Variants in RYR3 observed in about 807,000 individuals in gnomAD.
RYR3 encodes the protein brain ryanodine receptor-calcium release channel.
In RYR3, 207 loss-of-function variants were observed where a neutral mutation model predicts 584.3. That is an observed-to-expected ratio of 0.35 (90% CI 0.32 to 0.40). RYR3 has a LOEUF of 0.40. Ranked by LOEUF, RYR3 falls within the 10% of genes least tolerant of loss-of-function variation. RYR3 has a pLI of 1.00. For synonymous variants in RYR3, 2,416 were observed against 2,248.5 expected, an observed-to-expected ratio of 1.07 and a Z score of -2.11; for missense variants, 5,616 against 6,089.2, an observed-to-expected ratio of 0.92 and a Z score of 2.59.
chr15:33,533,489 C>A (rs931583890), intron 5 of RYR3, 100 bp downstream of exon 5: 2 of 739,960 alleles, frequency 2.7e-6, no homozygotes, highest in Non-Finnish European at 2.3e-6. Flanking sequence ...GGATTCCAAA[C>A]CAACCTGGTT....
intron 20 of RYR3, among the ~76,000 whole-genome samples, chr15:33,626,858 A>G (rs1011407863): frequency 6.6e-6 from 1 of 152,132 alleles, no homozygotes; most frequent in African/African-American, 2.4e-5. Context: ...ACCTCTACCT[A>G]GATTTCAGAG....
At chr15:33,780,431 T>A (rs978915735) in intron 65 of RYR3, 90 bp downstream of exon 65, 1 of 1,391,888 alleles carries the variant, frequency 7.2e-7, no homozygotes, top group Non-Finnish European at 9.8e-7. Context: ...CCTGCAGCAC[T>A]GTGGCTTTCT....
chr15:33,824,260 A>AT (rs1309887903), intron 81 of RYR3, among the ~76,000 whole-genome samples: 1 of 152,206 alleles, frequency 6.6e-6, no homozygotes, highest in Admixed American at 6.5e-5. Flanking sequence ...GAGACAGGTG[A>AT]TATACGCTTA....
intron 63 of RYR3, 70 bp downstream of exon 63, chr15:33,772,228 C>A: frequency 1.1e-6 from 1 of 929,898 alleles, no homozygotes; most frequent in Non-Finnish European, 1.7e-6. Flanking sequence ...AGGGCCCATT[C>A]ACTTACATTG....
intron 1 of RYR3, among the ~76,000 whole-genome samples, chr15:33,389,083 G>C (rs916601161): frequency 8.5e-6 from 1 of 117,262 alleles, no homozygotes; most frequent in Non-Finnish European, 1.7e-5. Context: ...GTTTTGGGGT[G>C]GGGGGAGGGG....
At chr15:33,670,351 G>T in intron 37 of RYR3, 68 bp from the exon 38 acceptor site, 1 of 1,543,614 alleles carries the variant, frequency 6.5e-7, no homozygotes, top group South Asian at 1.2e-5. Context: ...TTTTTTAAAT[G>T]TTCTTTGTGA....
chr15:33,563,751 C>A (rs1435122), intron 11 of RYR3, among the ~76,000 whole-genome samples: 131,628 of 152,202 alleles, frequency 0.86, 57,602 homozygotes, highest in Middle Eastern at 0.98. Context: ...TCATGATGAA[C>A]AGTTTTCCAG....
At chr15:33,690,586 G>A (rs1193395718) in intron 38 of RYR3, among the ~76,000 whole-genome samples, 1 of 152,140 alleles carries the variant, frequency 6.6e-6, no homozygotes, top group Non-Finnish European at 1.5e-5. Flanking sequence ...AGCTTTCTAG[G>A]TTCATGTCTC....
At position 33,360,979 on chromosome 15, in the gene RYR3, C is replaced by T. The variant is rs138585596; in HGVS notation, c.51+49883C>T. ...TCCCACTGCTGTTCCCTAGCTTTCT[C>T]CTCTCAGCACCGAGCAGTAATGGCT... is the stretch of plus-strand genomic sequence containing the variant. On this transcript the variant is annotated intron_variant, in intron 1 of 103. Coordinates refer to ENST00000634891, the MANE Select transcript of RYR3 (RefSeq NM_001036.6). Among the ~76,000 whole-genome samples, 829 of 152,314 alleles carry T rather than the reference C, an allele frequency of 5.4e-3. 4 individuals are homozygous for T. Among genetic ancestry groups the T allele is most frequent in the Middle Eastern group, 6.8e-3 (2 of 294 alleles).
At chr15:33,664,847 CT>C (rs1446618201) in intron 36 of RYR3, among the ~76,000 whole-genome samples, 17 of 152,148 alleles carry the variant, frequency 1.1e-4, no homozygotes, top group African/African-American at 4.1e-4. Flanking sequence ...CATCCAATTA[CT>C]TTCCTAACCT....
At chr15:33,685,009 C>G (rs1596145334) in intron 38 of RYR3, among the ~76,000 whole-genome samples, 1 of 152,188 alleles carries the variant, frequency 6.6e-6, no homozygotes, top group African/African-American at 2.4e-5. Flanking sequence ...TTGTAAAGAC[C>G]ATTGATGCTA....
At chr15:33,374,089 C>G (rs1229603922) in intron 1 of RYR3, among the ~76,000 whole-genome samples, 2 of 151,980 alleles carry the variant, frequency 1.3e-5, no homozygotes, top group East Asian at 3.9e-4. Flanking sequence ...CCTGTTAAAT[C>G]TCTAACAAAG....
intron 2 of RYR3, among the ~76,000 whole-genome samples, chr15:33,496,957 C>T (rs1234672363): frequency 6.6e-6 from 1 of 152,108 alleles, no homozygotes; most frequent in African/African-American, 2.4e-5. Flanking sequence ...AGAAACCATG[C>T]CTTACTTCGT....
intron 36 of RYR3, among the ~76,000 whole-genome samples, chr15:33,667,523 A>T (rs2063551132): frequency 6.6e-6 from 1 of 152,084 alleles, no homozygotes; most frequent in Admixed American, 6.6e-5. Context: ...ATTCCTTACT[A>T]CTTCAAGACC....
At chr15:33,794,325 T>TATATATATATAACATATATAACATA (rs2075436527) in intron 67 of RYR3, among the ~76,000 whole-genome samples, 1 of 31,384 alleles carries the variant, frequency 3.2e-5, no homozygotes, top group Admixed American at 3.2e-4. Flanking sequence ...ATATATATTT[T>TATATATATATAACATATATAACATA]TATATATGTT....
intron 19 of RYR3, among the ~76,000 whole-genome samples, chr15:33,618,504 A>G (rs2060562044): frequency 6.6e-6 from 1 of 152,254 alleles, no homozygotes; most frequent in Non-Finnish European, 1.5e-5. Flanking sequence ...CCAGAAAGAA[A>G]TATGAATGTG....
intron 32 of RYR3, 116 bp downstream of exon 32, chr15:33,652,999 T>G (rs2062581273): frequency 9.4e-7 from 1 of 1,059,298 alleles, no homozygotes; most frequent in Admixed American, 2.7e-5. Flanking sequence ...GATGAGCCCA[T>G]GTGGGCCATG....
intron 48 of RYR3, among the ~76,000 whole-genome samples, chr15:33,733,831 G>A (rs1201539233): frequency 2.0e-5 from 3 of 152,178 alleles, no homozygotes; most frequent in African/African-American, 4.8e-5. Flanking sequence ...CCTGTATGGG[G>A]CCAGGGATAT....
At chr15:33,473,875 G>A (rs1442021659) in intron 2 of RYR3, among the ~76,000 whole-genome samples, 1 of 152,186 alleles carries the variant, frequency 6.6e-6, no homozygotes, top group African/African-American at 2.4e-5. Context: ...AAATCTGAGT[G>A]TGTGTTCTTT....
Sources: gnomAD v4.1 joint callset for allele counts (sites outside exome capture counted in the v4.1 genomes callset) on GRCh38, gnomAD v4.1.1 for gene constraint, MANE v1.5 for transcripts, NCBI Gene and HGNC (gene_info 2026-07-23, HGNC 2026-07-21) for gene names.